STEEP1: variants seen among roughly 807,000 people sequenced by gnomAD.
The protein encoded by STEEP1 is STING ER exit protein.
A neutral mutation model predicts 19.2 loss-of-function variants in STEEP1; 3 were observed. The observed-to-expected ratio is 0.16, with a 90% CI of 0.07 to 0.40. The LOEUF is 0.40. Ranked by LOEUF, STEEP1 falls within the 10% of genes least tolerant of loss-of-function variation. The probability of loss-of-function intolerance (pLI) is 0.99; values close to 1 mark genes in which losing one functional copy is unlikely to be tolerated. For synonymous variants in STEEP1, 46 were observed against 63.7 expected (o/e 0.72, Z 1.32); for missense variants, 54 against 177.1 (o/e 0.30, Z 3.94).
At chrX:119,551,335 CCGGGCATGGTGGTACG>C (rs1322293450) in intron 2 of STEEP1, among the ~76,000 whole-genome samples, 2 of 109,759 alleles carry the variant, frequency 1.8e-5, no homozygotes, top group Non-Finnish European at 3.8e-5. Context: ...AAAAAATTAG[CCGGGCATGGTGGTACG>C]TGCCTGTAAT....
At chrX:119,554,985 T>C (rs1291243844) in intron 2 of STEEP1, among the ~76,000 whole-genome samples, 1 of 110,291 alleles carries the variant, frequency 9.1e-6, no homozygotes, top group Non-Finnish European at 1.9e-5. Context: ...GGCACATGCC[T>C]ATGGTCCCAG....
chrX:119,553,535 T>C (rs1010447793), intron 2 of STEEP1, among the ~76,000 whole-genome samples: 3 of 111,782 alleles, frequency 2.7e-5, no homozygotes, highest in Non-Finnish European at 5.6e-5. Context: ...GATATAACTA[T>C]ACAGACTGTG....
intron 1 of STEEP1, 112 bp downstream of exon 1, chrX:119,565,120 C>T (rs776744455): frequency 1.0e-5 from 11 of 1,086,538 alleles, no homozygotes; most frequent in Non-Finnish European, 1.3e-5. Context: ...AGAGAGAAAA[C>T]CCACCAATCT....
chrX:119,561,578 G>A (rs770764803), intron 1 of STEEP1, among the ~76,000 whole-genome samples: 122 of 110,046 alleles, frequency 1.1e-3, no homozygotes, highest in African/African-American at 3.9e-3. Context: ...TGAGGCAGGA[G>A]AATCGCTTGA....
At chrX:119,541,503 T>C in intron 5 of STEEP1, 83 bp from the exon 6 acceptor site, 1 of 551,437 alleles carries the variant, frequency 1.8e-6, no homozygotes, top group Non-Finnish European at 3.1e-6. Flanking sequence ...TGTATACTAC[T>C]CAAATCATGA....
At chrX:119,543,132 G>A (rs1195749046) in intron 4 of STEEP1, among the ~76,000 whole-genome samples, 1 of 110,255 alleles carries the variant, frequency 9.1e-6, no homozygotes, top group East Asian at 2.8e-4. Context: ...AAAGTGCTAG[G>A]ATTACAGGCG....
chrX:119,542,811 A>AT (rs2053173695), intron 4 of STEEP1: 1 of 304,679 alleles, frequency 3.3e-6, no homozygotes, highest in Non-Finnish European at 5.7e-6. Context: ...AATTTACTTT[A>AT]TTTTTTTGAA....
At chrX:119,560,098 A>G (rs1216615346) in intron 2 of STEEP1, among the ~76,000 whole-genome samples, 170 bp downstream of exon 2, 1 of 112,251 alleles carries the variant, frequency 8.9e-6, no homozygotes, top group Non-Finnish European at 1.9e-5. Flanking sequence ...CACCATTTCA[A>G]CAAAGCACAA....
chrX:119,546,732 T>C (rs2053208645), intron 2 of STEEP1, among the ~76,000 whole-genome samples: 1 of 111,221 alleles, frequency 9.0e-6, no homozygotes, highest in Non-Finnish European at 1.9e-5. Flanking sequence ...TTGATTCTTC[T>C]CTTCCCCTCA....
chrX:119,565,356 G>A lies in STEEP1; in HGVS notation c.-1C>T, dbSNP rs748758287. The A allele has an allele frequency of 3.4e-6, 4 of 1,187,019 alleles. No homozygotes were observed. The highest frequency in any genetic ancestry group is 3.4e-6 in the Non-Finnish European group (3 of 876,834). ...CTGACCGAGACACTACTTTCGGCAT[G>A]ATTCCCAAGAGCAATCTGAAAACTC... On this transcript the variant is annotated 5_prime_UTR_variant, in exon 1 of 7. Transcript: ENST00000644802.
intron 2 of STEEP1, 147 bp downstream of exon 2, chrX:119,560,121 T>C (rs1487452398): frequency 2.1e-6 from 1 of 480,696 alleles, no homozygotes; most frequent in African/African-American, 2.4e-5. Flanking sequence ...AAGATATTAC[T>C]ACATTAACAG....
chrX:119,539,579 G>A lies in STEEP1; in HGVS notation c.*148C>T. 7.5e-6 allele frequency: 3 copies of A among 401,414 alleles called. No individual in the cohort carries two copies. Among genetic ancestry groups the A allele is most frequent in the Non-Finnish European group, 1.3e-5 (3 of 229,321 alleles). 33.1% of individuals were successfully genotyped at this position (401,414 alleles called of 1,213,427 possible). ...AGCAAGTTAAATGGACTCAGTTAAA[G>A]ACCTCACTGAATGTAGGAGAATCAA... On this transcript the variant is annotated 3_prime_UTR_variant, in exon 7 of 7. Transcript: ENST00000644802.
chrX:119,556,220 T>C (rs1188618016), intron 2 of STEEP1, among the ~76,000 whole-genome samples: 1 of 110,847 alleles, frequency 9.0e-6, no homozygotes, highest in Non-Finnish European at 1.9e-5. Flanking sequence ...AGCTAAGTCA[T>C]ATTCAGAATC....
At chrX:119,544,738 C>A (rs1024297385) in intron 3 of STEEP1, among the ~76,000 whole-genome samples, 8 of 111,462 alleles carry the variant, frequency 7.2e-5, no homozygotes, top group African/African-American at 2.6e-4. Context: ...ATCAGGAGTT[C>A]AAGACCAGCC....
intron 2 of STEEP1, among the ~76,000 whole-genome samples, chrX:119,555,676 C>G (rs2053273630): frequency 1.8e-5 from 2 of 110,225 alleles, no homozygotes; most frequent in African/African-American, 6.6e-5. Flanking sequence ...CTTCAGTAGT[C>G]TAAGTAAGTG....
intron 5 of STEEP1, among the ~76,000 whole-genome samples, chrX:119,542,055 CTTTTTTTTTTTT>C (rs201339708): frequency 8.4e-5 from 7 of 82,926 alleles, no homozygotes; most frequent in South Asian, 6.3e-4. Context: ...CTTTTCTTTT[CTTTTTTTTTTTT>C]TTTTTTTTTT....
chrX:119,558,189 G>A (rs1252374190), intron 2 of STEEP1, among the ~76,000 whole-genome samples: 4 of 111,333 alleles, frequency 3.6e-5, no homozygotes, highest in South Asian at 3.7e-4. Context: ...GATTACAGGC[G>A]TGAGCCACCA....
Position 119,541,337 on chromosome X carries a change from C to G in STEEP1, c.597G>C (p.Leu199=). Residue 199 remains leucine, a synonymous_variant, in exon 6 of 7, where the codon CTG becomes CTC. Transcript: ENST00000644802. Reference sequence around the variant, plus strand: ...ACCCCTTGCTACTCACCAGCTCTTGCAGTCGCCTCTTGCTCATGCCTTTGC... The same window carrying G: ...ACCCCTTGCTACTCACCAGCTCTTGGAGTCGCCTCTTGCTCATGCCTTTGC... ...LERKGMSKRR[L]QELAELEAKK... 1 of 1,179,470 alleles carries G rather than the reference C, an allele frequency of 8.5e-7. No homozygotes were observed. Among genetic ancestry groups the G allele is most frequent in the Non-Finnish European group, 1.2e-6 (1 of 866,814 alleles).
intron 5 of STEEP1, among the ~76,000 whole-genome samples, chrX:119,542,055 CTTTTTT>C (rs201339708): frequency 3.6e-5 from 3 of 82,902 alleles, no homozygotes; most frequent in African/African-American, 4.9e-5. Context: ...CTTTTCTTTT[CTTTTTT>C]TTTTTTTTTT....
Sources: allele counts gnomAD v4.1 joint callset (sites outside exome capture counted in the v4.1 genomes callset), GRCh38; gene constraint gnomAD v4.1.1; transcripts MANE v1.5; gene names NCBI Gene and HGNC (gene_info 2026-07-23, HGNC 2026-07-21).